Variants in ASPH observed in about 807,000 individuals in gnomAD.
ASPH encodes the protein aspartate beta-hydroxylase.
ASPH carries 100 observed loss-of-function variants against 118.4 expected under a neutral mutation model. The ratio of observed to expected loss-of-function variants is 0.84; its 90% CI spans 0.72 to 1.00. ASPH has a LOEUF of 1.00. Ranked by LOEUF, ASPH falls within the 50% of genes least tolerant of loss-of-function variation. The pLI is 0.00. For synonymous variants in ASPH, 315 were observed against 325.6 expected (o/e 0.97, Z 0.35); for missense variants, 920 against 919.5 (o/e 1.00, Z -0.01).
In ASPH at chr8:61,691,418, T is replaced by C. The variant is rs143068389; in HGVS notation, c.104-7230A>G. Among the ~76,000 whole-genome samples, 16 of 152,326 alleles carry C rather than the reference T, an allele frequency of 1.1e-4. No homozygotes were observed. In the East Asian group the frequency reaches 2.1e-3, roughly 20 times the overall value. ...TTTCCCCCATTATTTTCTTCAAAGA[T>C]CTGTCCCACTAAACTTAGTGCTTGC... On this transcript the variant is annotated intron_variant, in intron 1 of 24. Transcript: ENST00000379454.
Position 61,714,340 on chromosome 8 carries a change from C to T in ASPH, c.32G>A (p.Gly11Asp). The T allele has an allele frequency of 6.6e-7, 1 of 1,518,278 alleles. No homozygotes were observed. Among genetic ancestry groups the T allele is most frequent in the Non-Finnish European group, 8.8e-7 (1 of 1,133,656 alleles). 94.1% of individuals were successfully genotyped at this position (1,518,278 alleles called of 1,614,324 possible). A position where few individuals can be genotyped will look rare whatever the true frequency, so the allele number is the denominator to read the frequency against. The change falls in exon 1 of 25, where the codon GGC becomes GAC. Residue 11 changes from glycine to aspartate, a missense_variant. Transcript: ENST00000379454. ...GCCGGAGCCGCTGCTGCTGCTGTTG[C>T]CGCTGCTCTTGGCATTCTTACGCTG... Reference protein sequence around the residue: MAQRKNAKSSGNSSSSGSGSG... With the variant: MAQRKNAKSSDNSSSSGSGSG...
chr8:61,679,525 T>G (rs971668130), intron 3 of ASPH, among the ~76,000 whole-genome samples: 1 of 152,002 alleles, frequency 6.6e-6, no homozygotes, highest in Non-Finnish European at 1.5e-5. Context: ...TCTAATGGCA[T>G]TTCCTGACAG....
chr8:61,517,632 A>G lies in ASPH; in HGVS notation c.2022T>C (p.Thr674=). The change falls in exon 24 of 25, where the codon ACT becomes ACC. Residue 674 remains threonine, a synonymous_variant. Coordinates refer to ENST00000379454, the MANE Select transcript of ASPH (RefSeq NM_004318.4). ...TGGGCCCTGTGTGCGGCCACACGTGAGTCCCGGGGTGCATGATGGAATATT... is the reference window on the plus strand; with the variant it reads ...TGGGCCCTGTGTGCGGCCACACGTGGGTCCCGGGGTGCATGATGGAATATT... The part of the protein sequence containing the change: ...QIKYSIMHPG[T]HVWPHTGPTN... The G allele has an allele frequency of 6.2e-7, 1 of 1,614,092 alleles. No homozygotes were observed. Among genetic ancestry groups the G allele is most frequent in the Non-Finnish European group, 8.5e-7 (1 of 1,179,940 alleles).
At chr8:61,688,909 A>G (rs536437143) in intron 1 of ASPH, among the ~76,000 whole-genome samples, 1 of 152,338 alleles carries the variant, frequency 6.6e-6, no homozygotes, top group East Asian at 1.9e-4. Flanking sequence ...AATTATTCAA[A>G]TAATATTCAC....
chr8:61,652,998 T>C (rs757551740), intron 4 of ASPH, among the ~76,000 whole-genome samples: 37 of 152,230 alleles, frequency 2.4e-4, no homozygotes, highest in Admixed American at 6.5e-4. Flanking sequence ...TTAGAGACTG[T>C]ATTAGATTTA....
At chr8:61,650,933 T>C (rs1810635796) in intron 5 of ASPH, 117 bp downstream of exon 5, 2 of 1,079,154 alleles carry the variant, frequency 1.9e-6, no homozygotes, top group Admixed American at 2.7e-5. Context: ...TCAAAAACTT[T>C]TTAAAAAACA....
chr8:61,566,778 T>C (rs1161612385), intron 17 of ASPH, among the ~76,000 whole-genome samples: 1 of 152,258 alleles, frequency 6.6e-6, no homozygotes, highest in Non-Finnish European at 1.5e-5. Context: ...GCTCAGATTA[T>C]CGTTAGCATT....
chr8:61,632,006 C>G (rs1658623507), intron 13 of ASPH: 1 of 152,650 alleles, frequency 6.6e-6, no homozygotes, highest in African/African-American at 2.4e-5. Flanking sequence ...AGATGGCCCT[C>G]ACATCCATCA....
chr8:61,545,391 T>G (rs924042979), intron 21 of ASPH, among the ~76,000 whole-genome samples: 1 of 152,200 alleles, frequency 6.6e-6, no homozygotes, highest in African/African-American at 2.4e-5. Flanking sequence ...CCACCGAGTT[T>G]ATGGCATTTT....
At position 61,503,515 on chromosome 8, in the gene ASPH, G is replaced by A. The variant is rs7005617; in HGVS notation, c.2127-6C>T. On this transcript the variant is annotated splice_region_variant and splice_polypyrimidine_tract_variant and intron_variant, in intron 24 of 24. Transcript: ENST00000379454. The stretch of plus-strand genomic sequence containing the variant: ...CCTTGCCTTCCTCCCAGGTCCTGCA[G>A]CAGAAAGACAAGGATTCCTGAATAT... The A allele has an allele frequency of 0.98, 1,576,815 of 1,607,586 alleles. 773,395 individuals are homozygous for A. The highest frequency in any genetic ancestry group is 1 in the East Asian group (44,536 of 44,536).
At chr8:61,638,840 T>G (rs1859117157) in intron 10 of ASPH, among the ~76,000 whole-genome samples, 1 of 152,154 alleles carries the variant, frequency 6.6e-6, no homozygotes, top group South Asian at 2.1e-4. Flanking sequence ...GCTCAGTGCT[T>G]CTTCTCTGCT....
rs183677686 is a variant in ASPH, at chr8:61,551,103, A to G, written c.1626+1928T>C. ...CATGAGAATGGGGACTTGGAGAAGG[A>G]GACTAAATCTAGCTAGAACGTGGAT... On this transcript the variant is annotated intron_variant, in intron 20 of 24. Transcript: ENST00000379454. 1.0e-3 allele frequency among the ~76,000 whole-genome samples: 158 copies of G among 152,324 alleles called. 1 individual carries two copies. The highest frequency in any genetic ancestry group is 3.4e-3 in the Middle Eastern group (1 of 294).
intron 1 of ASPH, among the ~76,000 whole-genome samples, chr8:61,703,525 CA>C (rs1299775233): frequency 6.6e-6 from 1 of 151,502 alleles, no homozygotes; most frequent in African/African-American, 2.4e-5. Flanking sequence ...CTAATAGCAT[CA>C]AAAAATACAA....
At chr8:61,667,886 T>C (rs1257797186) in intron 3 of ASPH, among the ~76,000 whole-genome samples, 1 of 152,042 alleles carries the variant, frequency 6.6e-6, no homozygotes, top group Non-Finnish European at 1.5e-5. Flanking sequence ...TTCAAAAAAA[T>C]CAAAGTAAGA....
chr8:61,577,147 T>A (rs575801137), intron 15 of ASPH, among the ~76,000 whole-genome samples: 37 of 150,698 alleles, frequency 2.5e-4, no homozygotes, highest in Non-Finnish European at 2.1e-4. Flanking sequence ...GGACACAGGG[T>A]GGGGAACATC....
At chr8:61,552,159 T>A (rs561678851) in intron 20 of ASPH, among the ~76,000 whole-genome samples, 1 of 152,332 alleles carries the variant, frequency 6.6e-6, no homozygotes, top group Non-Finnish European at 1.5e-5. Flanking sequence ...GTTACAAAGA[T>A]TCAGTGTCTC....
At chr8:61,586,330 T>G (rs531267197) in intron 14 of ASPH, among the ~76,000 whole-genome samples, 1 of 152,214 alleles carries the variant, frequency 6.6e-6, no homozygotes, top group Non-Finnish European at 1.5e-5. Context: ...ACGAAAATTA[T>G]AAATCCAAGC....
In ASPH at chr8:61,503,507, G is replaced by T; in HGVS notation, c.2129C>A (p.Thr710Asn). Reference sequence around the variant, plus strand: ...GATGAGCACCTTGCCTTCCTCCCAGGTCCTGCAGCAGAAAGACAAGGATTC... The same window carrying T: ...GATGAGCACCTTGCCTTCCTCCCAGTTCCTGCAGCAGAAAGACAAGGATTC... Reference protein sequence around the residue: ...CKIRCANETKTWEEGKVLIFD... With the variant: ...CKIRCANETKNWEEGKVLIFD... Residue 710 changes from threonine (T) to asparagine (N), a missense_variant and splice_region_variant, in exon 25 of 25, where the codon ACC (threonine) becomes AAC (asparagine). Thr to Asn is a moderately conservative substitution (Grantham distance 65). Coordinates refer to ENST00000379454, the MANE Select transcript of ASPH (RefSeq NM_004318.4). 1.9e-6 allele frequency: 3 copies of T among 1,610,090 alleles called. No homozygotes were observed. Among genetic ancestry groups the T allele is most frequent in the Non-Finnish European group, 2.5e-6 (3 of 1,177,924 alleles).
intron 1 of ASPH, among the ~76,000 whole-genome samples, chr8:61,694,725 T>G (rs1173783863): frequency 6.6e-6 from 1 of 152,236 alleles, no homozygotes; most frequent in Non-Finnish European, 1.5e-5. Flanking sequence ...ATGCCACCTC[T>G]CTAGTTCACT....
Sources: allele counts gnomAD v4.1 joint callset (sites outside exome capture counted in the v4.1 genomes callset), GRCh38; gene constraint gnomAD v4.1.1; transcripts MANE v1.5; gene names NCBI Gene and HGNC (gene_info 2026-07-23, HGNC 2026-07-21).